Variants in VTCN1 observed in about 807,000 individuals in gnomAD.
VTCN1 encodes V-set domain-containing T-cell activation inhibitor 1.
A neutral mutation model predicts 26.5 loss-of-function variants in VTCN1; 26 were observed. The observed-to-expected ratio is 0.98, with a 90% CI of 0.72 to 1.36. The LOEUF is 1.36. VTCN1 is among the 40% of genes most tolerant of loss of function. The probability of loss-of-function intolerance (pLI) is 0.00; values close to 1 mark genes in which losing one functional copy is unlikely to be tolerated. For missense variants in VTCN1, 298 were observed against 337.7 expected (o/e 0.88, Z 0.92); for synonymous variants, 116 against 130.7 (o/e 0.89, Z 0.77).
chr1:117,204,600 C>T (rs1158966933), intron 1 of VTCN1, among the ~76,000 whole-genome samples: 1 of 152,070 alleles, frequency 6.6e-6, no homozygotes, highest in Non-Finnish European at 1.5e-5. Context: ...GTTGCGGTGG[C>T]TCACGCCTGT....
At chr1:117,171,342 G>A (rs950175249) in intron 1 of VTCN1, among the ~76,000 whole-genome samples, 7 of 152,206 alleles carry the variant, frequency 4.6e-5, no homozygotes, top group African/African-American at 1.7e-4. Context: ...ATAGTAGAAT[G>A]ATTTATAATC....
chr1:117,164,901 G>A (rs957221101), intron 2 of VTCN1, among the ~76,000 whole-genome samples: 4 of 152,170 alleles, frequency 2.6e-5, no homozygotes, highest in African/African-American at 7.2e-5. Context: ...ATGGTCCACC[G>A]CAAATGCATT....
intron 1 of VTCN1, among the ~76,000 whole-genome samples, chr1:117,196,634 T>C (rs530882694): frequency 6.6e-6 from 1 of 152,132 alleles, no homozygotes; most frequent in African/African-American, 2.4e-5. Context: ...TTTTAGATGT[T>C]GGGCAAACAG....
chr1:117,171,510 C>T (rs1038593542), intron 1 of VTCN1, among the ~76,000 whole-genome samples: 2 of 152,210 alleles, frequency 1.3e-5, no homozygotes, highest in Non-Finnish European at 2.9e-5. Flanking sequence ...GCCTCGCCTG[C>T]ATGTGTTGTT....
chr1:117,181,993 A>G (rs749094220), intron 1 of VTCN1, among the ~76,000 whole-genome samples: 6 of 152,112 alleles, frequency 3.9e-5, no homozygotes, highest in Non-Finnish European at 5.9e-5. Flanking sequence ...TCTTGCCTTC[A>G]GGAAACCTGT....
intron 2 of VTCN1, among the ~76,000 whole-genome samples, chr1:117,168,720 A>G (rs891876217): frequency 1.5e-4 from 23 of 152,184 alleles, no homozygotes; most frequent in African/African-American, 5.5e-4. Context: ...ATACCCCAAT[A>G]GAAAAAAATG....
rs1351186847 is a variant in VTCN1 at position 117,153,290 on chromosome 1, G to T, written c.525C>A (p.Pro175=). ...GGGATGCCCAGACCACTGTGGGCTG[G>T]GGGAACCATCGGGGAGCCTCACACC... is the stretch of plus-strand genomic sequence containing the variant. ...TLRCEAPRWF[P]QPTVVWASQV... Residue 175 remains proline, a synonymous_variant, in exon 4 of 6, where the codon CCC becomes CCA. Transcript: ENST00000369458. 1.2e-6 allele frequency: 2 copies of T among 1,614,066 alleles called. No individual in the cohort carries two copies. The highest frequency in any genetic ancestry group is 1.1e-5 in the South Asian group (1 of 91,072).
At chr1:117,180,334 C>T (rs934359043) in intron 1 of VTCN1, among the ~76,000 whole-genome samples, 2 of 152,152 alleles carry the variant, frequency 1.3e-5, no homozygotes, top group African/African-American at 4.8e-5. Flanking sequence ...CTTCATCATC[C>T]TTGTGCACAC....
chr1:117,176,841 G>A (rs1220192018), intron 1 of VTCN1, among the ~76,000 whole-genome samples: 3 of 152,086 alleles, frequency 2.0e-5, no homozygotes, highest in African/African-American at 4.8e-5. Context: ...GCTCATGCTT[G>A]TAATCCCAGC....
At chr1:117,209,904 G>A (rs1029372197) in intron 1 of VTCN1, among the ~76,000 whole-genome samples, 2 of 152,202 alleles carry the variant, frequency 1.3e-5, no homozygotes, top group South Asian at 2.1e-4. Context: ...TTTCACTGTT[G>A]ACCTGAGGAT....
At position 117,155,654 on chromosome 1, in the gene VTCN1, T is replaced by C. The variant is rs1203155097; in HGVS notation, c.445+920A>G. On this transcript the variant is annotated intron_variant, in intron 3 of 5. Transcript: ENST00000369458. This position sits in a 1 kb window ranked among gnomAD's most constrained non-coding sequence, Gnocchi z 4.8. ...AGAGAGATTGCTTTGCCCAGGCCAC[T>C]GTACTTACACAGGTCTGATTCTAGA... Among the ~76,000 whole-genome samples, 1 of 152,210 alleles carries C rather than the reference T, an allele frequency of 6.6e-6. No individual in the cohort carries two copies. The highest frequency in any genetic ancestry group is 2.4e-5 in the African/African-American group (1 of 41,458).
At chr1:117,198,210 C>T (rs914903174) in intron 1 of VTCN1, among the ~76,000 whole-genome samples, 1 of 152,226 alleles carries the variant, frequency 6.6e-6, no homozygotes, top group African/African-American at 2.4e-5. Flanking sequence ...TCACATCTAA[C>T]AACTGCTAGA....
chr1:117,181,950 A>G (rs1285093112), intron 1 of VTCN1, among the ~76,000 whole-genome samples: 3 of 152,132 alleles, frequency 2.0e-5, no homozygotes, highest in African/African-American at 7.2e-5. Flanking sequence ...AACACCCTAA[A>G]GCCACCGTGA....
chr1:117,207,458 C>G (rs1414033251), intron 1 of VTCN1, among the ~76,000 whole-genome samples: 1 of 152,028 alleles, frequency 6.6e-6, no homozygotes, highest in Non-Finnish European at 1.5e-5. Flanking sequence ...CCCTCTTCCT[C>G]TGCCCACCCT....
At chr1:117,150,811 T>C (rs1415676108) in intron 4 of VTCN1, among the ~76,000 whole-genome samples, 1 of 152,158 alleles carries the variant, frequency 6.6e-6, no homozygotes, top group Non-Finnish European at 1.5e-5. Flanking sequence ...TAACCACCAT[T>C]CTACTTTCTG....
Position 117,156,684 on chromosome 1 carries a change from T to C in VTCN1, c.335A>G (p.Asn112Ser). 4.3e-6 allele frequency: 7 copies of C among 1,614,212 alleles called. No homozygotes were observed. The highest frequency in any genetic ancestry group is 1.3e-5 in the African/African-American group (1 of 75,056). Residue 112 changes from asparagine to serine, a missense_variant, in exon 3 of 6, where the codon AAT becomes AGT. By Grantham distance (46) the Asn-to-Ser change is conservative. Coordinates refer to ENST00000369458, the MANE Select transcript of VTCN1 (RefSeq NM_024626.4). ...CACGTTTTTCAGCCGCAAAGAGGCA[T>C]TGCCAACTATCACTTGATCAGCAAA... ...AVFADQVIVGNASLRLKNVQL... is the reference protein window; with the variant it reads ...AVFADQVIVGSASLRLKNVQL...
At chr1:117,172,183 A>C (rs1557867839) in intron 1 of VTCN1, among the ~76,000 whole-genome samples, 1 of 152,294 alleles carries the variant, frequency 6.6e-6, no homozygotes, top group South Asian at 2.1e-4. Context: ...CTATAGAGAG[A>C]AAAAAGAAAC....
intron 2 of VTCN1, among the ~76,000 whole-genome samples, chr1:117,164,182 C>T (rs906055166): frequency 1.3e-5 from 2 of 152,062 alleles, no homozygotes; most frequent in African/African-American, 4.8e-5. Context: ...AGGCAAAGAG[C>T]CAGAAAACCA....
At chr1:117,197,284 A>G (rs1468509909) in intron 1 of VTCN1, among the ~76,000 whole-genome samples, 1 of 152,154 alleles carries the variant, frequency 6.6e-6, no homozygotes, top group African/African-American at 2.4e-5. Context: ...TTTATCATGC[A>G]CCTAAAGAGA....
Sources: allele counts gnomAD v4.1 joint callset (sites outside exome capture counted in the v4.1 genomes callset), GRCh38; gene constraint gnomAD v4.1.1; non-coding constraint Gnocchi (gnomAD v3.1); transcripts MANE v1.5; gene names NCBI Gene and HGNC (gene_info 2026-07-23, HGNC 2026-07-21).